Variants in MORC1 observed in about 807,000 individuals in gnomAD.
MORC1 encodes MORC family CW-type zinc finger 1, also known as MORC family CW-type zinc finger protein 1.
In MORC1, 59 loss-of-function variants were observed where a neutral mutation model predicts 134.9. That is an observed-to-expected ratio of 0.44 (90% CI 0.35 to 0.54). The LOEUF is 0.54. Among genes scored for constraint, MORC1 ranks in the 20% least tolerant of loss-of-function variants. The probability of loss-of-function intolerance (pLI) is 0.00; values close to 1 mark genes in which losing one functional copy is unlikely to be tolerated. For synonymous variants in MORC1, 395 were observed against 391.7 expected (o/e 1.01, Z -0.10); for missense variants, 947 against 1,134.5 (o/e 0.83, Z 2.37).
At chr3:109,028,475 C>T (rs982318316) in intron 16 of MORC1, among the ~76,000 whole-genome samples, 3 of 152,042 alleles carry the variant, frequency 2.0e-5, no homozygotes, top group Non-Finnish European at 4.4e-5. Flanking sequence ...GCTCTGCTGT[C>T]GTAAGAGTAT....
chr3:109,114,931 C>T (rs1219657258), intron 1 of MORC1, among the ~76,000 whole-genome samples: 1 of 152,212 alleles, frequency 6.6e-6, no homozygotes, highest in African/African-American at 2.4e-5. Context: ...ATCTTTCCAC[C>T]GCTGAAAAGC....
chr3:109,113,645 G>A (rs533546804), intron 2 of MORC1, among the ~76,000 whole-genome samples: 2 of 151,118 alleles, frequency 1.3e-5, no homozygotes, highest in South Asian at 2.1e-4. Flanking sequence ...TATAAAACAC[G>A]TCAAATGCTT....
intron 8 of MORC1, among the ~76,000 whole-genome samples, chr3:109,090,277 C>T (rs1418828463): frequency 6.6e-6 from 1 of 151,992 alleles, no homozygotes; most frequent in East Asian, 1.9e-4. Context: ...GCTGTTAGTG[C>T]CTCAGCCCAA....
In MORC1 at chr3:109,004,726, T is replaced by C. The variant is rs926291208; in HGVS notation, c.2085+91A>G. ...GTATGATTTAGTTAAGCATTTTTCC[T>C]ATAAAGCATTGAATGCAAAACTTAA... is the stretch of plus-strand genomic sequence containing the variant. On this transcript the variant is annotated intron_variant, in intron 20 of 27. Coordinates refer to ENST00000232603, the MANE Select transcript of MORC1 (RefSeq NM_014429.4). 115 of 1,249,886 alleles carry C rather than the reference T, an allele frequency of 9.2e-5. 1 individual carries two copies. The highest frequency in any genetic ancestry group is 1.3e-4 in the Non-Finnish European group (110 of 878,068). 77.4% of individuals were successfully genotyped at this position (1,249,886 alleles called of 1,614,324 possible).
At chr3:109,022,980 C>CA (rs1330019835) in intron 17 of MORC1, among the ~76,000 whole-genome samples, 1 of 152,050 alleles carries the variant, frequency 6.6e-6, no homozygotes, top group Admixed American at 6.5e-5. Context: ...TAAGAAAAAC[C>CA]ACATGGGACA....
chr3:108,984,793 A>T lies in MORC1; in HGVS notation c.2258-11T>A. The T allele has an allele frequency of 3.1e-6, 5 of 1,596,598 alleles. No homozygotes were observed. Among genetic ancestry groups the T allele is most frequent in the Non-Finnish European group, 4.3e-6 (5 of 1,173,988 alleles). On this transcript the variant is annotated splice_polypyrimidine_tract_variant and intron_variant, in intron 22 of 27. Transcript: ENST00000232603. ...ACAGCTCCTGTTTTTCTTCAAAAGA[A>T]CATAGACAAACAATCGCATTTGGAT...
chr3:109,097,453 C>T (rs1196049896), intron 6 of MORC1, among the ~76,000 whole-genome samples: 1 of 152,048 alleles, frequency 6.6e-6, no homozygotes, highest in Non-Finnish European at 1.5e-5. Flanking sequence ...ACATGCTGTA[C>T]CAAGGAGAGA....
chr3:108,967,123 GT>G (rs902135428), intron 26 of MORC1, among the ~76,000 whole-genome samples: 12 of 152,130 alleles, frequency 7.9e-5, no homozygotes, highest in African/African-American at 2.9e-4. Flanking sequence ...TCTCCTGACT[GT>G]TTATCTCGCT....
chr3:109,056,102 T>C (rs770137516), intron 13 of MORC1, among the ~76,000 whole-genome samples: 12 of 151,854 alleles, frequency 7.9e-5, no homozygotes, highest in Non-Finnish European at 4.4e-5. Flanking sequence ...GCAGAGAGGG[T>C]AGGGTATTAG....
chr3:109,083,825 A>G (rs540247323), intron 8 of MORC1, among the ~76,000 whole-genome samples: 1 of 152,326 alleles, frequency 6.6e-6, no homozygotes, highest in South Asian at 2.1e-4. Context: ...ATCAAATGAG[A>G]TTCATCCCAG....
intron 21 of MORC1, among the ~76,000 whole-genome samples, chr3:108,999,306 T>C (rs1361603277): frequency 1.3e-5 from 2 of 152,154 alleles, no homozygotes; most frequent in Non-Finnish European, 2.9e-5. Context: ...AATTACAATT[T>C]ATGCATGAAA....
At position 109,057,006 on chromosome 3, in the gene MORC1, T is replaced by C. The variant is rs569272690; in HGVS notation, c.1175+337A>G. On this transcript the variant is annotated intron_variant, in intron 13 of 27. Coordinates refer to ENST00000232603, the MANE Select transcript of MORC1 (RefSeq NM_014429.4). Reference sequence around the variant, plus strand: ...ACTATGGATTTTTCTTTTCCTTCTCTTCTAAAATGTATTTAATAAGCTCGT... The same window carrying C: ...ACTATGGATTTTTCTTTTCCTTCTCCTCTAAAATGTATTTAATAAGCTCGT... Among the ~76,000 whole-genome samples, 45 of 152,352 alleles carry C rather than the reference T, an allele frequency of 3.0e-4. 1 individual carries two copies. The Middle Eastern group carries it at 0.01, about 35-fold the overall frequency.
rs117099290 is a variant in MORC1 at position 108,970,663 on chromosome 3, T to C, written c.2550+667A>G. The stretch of plus-strand genomic sequence containing the variant: ...CCACAGGCAACACCGAGCATGGAGG[T>C]GGAGAAAAGGCCTCCCACCCTCCTG... On this transcript the variant is annotated intron_variant, in intron 25 of 27. Transcript: ENST00000232603. Among the ~76,000 whole-genome samples the C allele has an allele frequency of 5.3e-4, 80 of 152,182 alleles. 2 individuals carry two copies. The East Asian group carries it at 0.013, about 25-fold the overall frequency.
chr3:108,968,950 C>T (rs944607865), intron 26 of MORC1, among the ~76,000 whole-genome samples: 3 of 128,654 alleles, frequency 2.3e-5, no homozygotes, highest in African/African-American at 8.8e-5. Flanking sequence ...TCTTGGAGTA[C>T]CAGGGTTTTT....
At chr3:109,061,648 T>A (rs1576695313) in intron 11 of MORC1, among the ~76,000 whole-genome samples, 1 of 152,166 alleles carries the variant, frequency 6.6e-6, no homozygotes, top group Non-Finnish European at 1.5e-5. Context: ...GATAGGCTAG[T>A]TTTTTCTTCT....
At chr3:109,014,982 T>C (rs1360782470) in intron 17 of MORC1, among the ~76,000 whole-genome samples, 1 of 151,940 alleles carries the variant, frequency 6.6e-6, no homozygotes, top group Non-Finnish European at 1.5e-5. Flanking sequence ...GCCTCCTGGG[T>C]TCAAGCGATT....
intron 21 of MORC1, among the ~76,000 whole-genome samples, chr3:108,995,052 G>A (rs532910322): frequency 6.6e-6 from 1 of 152,262 alleles, no homozygotes; most frequent in East Asian, 1.9e-4. Flanking sequence ...TGATCAGAGT[G>A]CATCACTTTT....
intron 5 of MORC1, 51 bp downstream of exon 5, chr3:109,100,364 AAC>A: frequency 1.5e-6 from 2 of 1,339,702 alleles, no homozygotes; most frequent in Non-Finnish European, 2.1e-6. Flanking sequence ...TTGCTTTATA[AAC>A]AGTGTTCCCA....
chr3:109,045,149 G>C (rs1341859844), intron 14 of MORC1, among the ~76,000 whole-genome samples: 1 of 152,026 alleles, frequency 6.6e-6, no homozygotes, highest in Non-Finnish European at 1.5e-5. Flanking sequence ...CAAAGCACCA[G>C]AAAAATGGTA....
Sources: allele counts gnomAD v4.1 joint callset (sites outside exome capture counted in the v4.1 genomes callset), GRCh38; gene constraint gnomAD v4.1.1; transcripts MANE v1.5; gene names NCBI Gene and HGNC (gene_info 2026-07-23, HGNC 2026-07-21).